KIRREL3: variants seen among roughly 807,000 people sequenced by gnomAD.
KIRREL3 encodes kin of IRRE-like protein 3.
A neutral mutation model predicts 89.7 loss-of-function variants in KIRREL3; 36 were observed. The observed-to-expected ratio is 0.40, with a 90% CI of 0.31 to 0.53. The LOEUF is 0.53. Among genes scored for constraint, KIRREL3 ranks in the 20% least tolerant of loss-of-function variants. The pLI, the probability that KIRREL3 is intolerant of heterozygous loss-of-function variation, is 0.49. For missense variants in KIRREL3, 864 were observed against 1,056.6 expected, an observed-to-expected ratio of 0.82 and a Z score of 2.53; for synonymous variants, 445 against 441.4, an observed-to-expected ratio of 1.01 and a Z score of -0.10.
At chr11:126,831,645 A>G (rs1385115976) in intron 1 of KIRREL3, among the ~76,000 whole-genome samples, 1 of 152,204 alleles carries the variant, frequency 6.6e-6, no homozygotes, top group Non-Finnish European at 1.5e-5. Context: ...TCCCTGAGTG[A>G]CTTTTACCCC....
intron 5 of KIRREL3, among the ~76,000 whole-genome samples, chr11:126,472,778 A>G (rs2134280949): frequency 6.7e-6 from 1 of 150,046 alleles, no homozygotes; most frequent in Middle Eastern, 3.5e-3. Flanking sequence ...TGAGTAGGAG[A>G]ACCACAGCAT....
chr11:126,875,109 A>T lies in KIRREL3; in HGVS notation c.55+125346T>A, dbSNP rs555733058. Among the ~76,000 whole-genome samples the T allele has an allele frequency of 2.6e-5, 4 of 152,198 alleles. No individual in the cohort carries two copies. In the South Asian group the frequency reaches 8.3e-4, roughly 32 times the overall value. On this transcript the variant is annotated intron_variant, in intron 1 of 16. Coordinates refer to ENST00000525144, the MANE Select transcript of KIRREL3 (RefSeq NM_032531.4). Reference sequence around the variant, plus strand: ...GTGTGATTTTAGAGGTGGCAAGTGTATATCAATCAATCAATCAATCAACCA... The same window carrying T: ...GTGTGATTTTAGAGGTGGCAAGTGTTTATCAATCAATCAATCAATCAACCA...
At chr11:126,881,982 T>A (rs1163123665) in intron 1 of KIRREL3, among the ~76,000 whole-genome samples, 1 of 152,142 alleles carries the variant, frequency 6.6e-6, no homozygotes, top group African/African-American at 2.4e-5. Flanking sequence ...CTGGGGTGCA[T>A]GTATGTAGGG....
intron 1 of KIRREL3, among the ~76,000 whole-genome samples, chr11:126,809,912 T>C (rs1265157254): frequency 1.3e-5 from 2 of 152,356 alleles, no homozygotes; most frequent in Non-Finnish European, 2.9e-5. Flanking sequence ...GTCTGAATTT[T>C]GGCAAACGAG....
intron 1 of KIRREL3, among the ~76,000 whole-genome samples, chr11:126,770,327 T>C (rs991641452): frequency 6.6e-6 from 1 of 152,196 alleles, no homozygotes; most frequent in African/African-American, 2.4e-5. Context: ...AAAAGTCTTC[T>C]GGTTGGTCCC....
rs766988987 is a variant in KIRREL3, at chr11:126,436,831, A to G, written c.1532T>C (p.Ile511Thr). 5.0e-6 allele frequency: 8 copies of G among 1,613,462 alleles called. No individual in the cohort carries two copies. The African/African-American group carries it at 1.1e-4, about 22-fold the overall frequency. The change falls in exon 12 of 17, where the codon ATC becomes ACC. Residue 511 changes from isoleucine to threonine, a missense_variant. Ile to Thr is a moderately conservative substitution (Grantham distance 89, BLOSUM62 -1). Transcript: ENST00000525144. The stretch of plus-strand genomic sequence containing the variant: ...CTCACCTTGCTCCTTGAGCCGGATG[A>G]TCTCAGTGTCGGAGCCGAAGCTGTT... The part of the protein sequence containing the change: ...AWNSFGSDTE[I>T]IRLKEQGSEM...
In KIRREL3 at chr11:126,837,432, T is replaced by A. The variant is rs998277051; in HGVS notation, c.55+163023A>T. ...TTGTTAGATAAGGACATGTCTAGAC[T>A]CAGAGTGGAAGAGAAACCTGGTGAA... On this transcript the variant is annotated intron_variant, in intron 1 of 16. Transcript: ENST00000525144. The surrounding 1 kb of genome is among the most constrained non-coding windows in gnomAD (Gnocchi z 4.7). 1.3e-5 allele frequency among the ~76,000 whole-genome samples: 2 copies of A among 152,210 alleles called. No homozygotes were observed. Among genetic ancestry groups the A allele is most frequent in the Admixed American group, 6.5e-5 (1 of 15,290 alleles).
rs1015853861 is a variant in KIRREL3 at position 126,443,293 on chromosome 11, C to G, written c.1252+1686G>C. 6.6e-6 allele frequency among the ~76,000 whole-genome samples: 1 copy of G among 152,160 alleles called. No individual in the cohort carries two copies. Among genetic ancestry groups the G allele is most frequent in the Non-Finnish European group, 1.5e-5 (1 of 68,032 alleles). On this transcript the variant is annotated intron_variant, in intron 10 of 16. Transcript: ENST00000525144. This position sits in a 1 kb window ranked among gnomAD's most constrained non-coding sequence, Gnocchi z 7.3. ...TGACTTCCGAGTGCCCTGGCTGGCG[C>G]GGGCTGTGTGGAGGGCCGCTGATTT...
chr11:126,528,352 C>A lies in KIRREL3; in HGVS notation c.134-1665G>T, dbSNP rs1256834389. 1.3e-5 allele frequency among the ~76,000 whole-genome samples: 2 copies of A among 152,214 alleles called. No homozygotes were observed. The highest frequency in any genetic ancestry group is 3.9e-4 in the East Asian group (2 of 5,194). On this transcript the variant is annotated intron_variant, in intron 2 of 16. Coordinates refer to ENST00000525144, the MANE Select transcript of KIRREL3 (RefSeq NM_032531.4). The surrounding 1 kb of genome is among the most constrained non-coding windows in gnomAD (Gnocchi z 4.6). The stretch of plus-strand genomic sequence containing the variant: ...GGACTGAGCTCTCAGCAACAGATGA[C>A]CCCAAGAGGGAGACACTTGGTGTGT...
At position 126,575,945 on chromosome 11, in the gene KIRREL3, T is replaced by A. The variant is rs1941232651; in HGVS notation, c.56-13033A>T. On this transcript the variant is annotated intron_variant, in intron 1 of 16. Coordinates refer to ENST00000525144, the MANE Select transcript of KIRREL3 (RefSeq NM_032531.4). This position sits in a 1 kb window ranked among gnomAD's most constrained non-coding sequence, Gnocchi z 7.0. Reference sequence around the variant, plus strand: ...TCTTCATTCATTCATACCTTTGCTATGAGACTCCCTTATAGATGCGACCAC... The same window carrying A: ...TCTTCATTCATTCATACCTTTGCTAAGAGACTCCCTTATAGATGCGACCAC... Among the ~76,000 whole-genome samples the A allele has an allele frequency of 6.6e-6, 1 of 152,220 alleles. No individual in the cohort carries two copies. Among genetic ancestry groups the A allele is most frequent in the African/African-American group, 2.4e-5 (1 of 41,446 alleles).
chr11:126,895,663 C>T (rs1200902956), intron 1 of KIRREL3, among the ~76,000 whole-genome samples: 1 of 152,070 alleles, frequency 6.6e-6, no homozygotes, highest in Non-Finnish European at 1.5e-5. Flanking sequence ...GCAAGGGTAA[C>T]CAGACAGGGT....
chr11:126,968,611 T>G (rs1949345578), intron 1 of KIRREL3, among the ~76,000 whole-genome samples: 1 of 152,190 alleles, frequency 6.6e-6, no homozygotes, highest in Non-Finnish European at 1.5e-5. Flanking sequence ...GGAGAAACTA[T>G]TCAAATTGCT....
In KIRREL3 at chr11:126,771,079, C is replaced by A. The variant is rs543416635; in HGVS notation, c.56-208167G>T. Among the ~76,000 whole-genome samples the A allele has an allele frequency of 6.6e-6, 1 of 152,152 alleles. No individual in the cohort carries two copies. The highest frequency in any genetic ancestry group is 6.5e-5 in the Admixed American group (1 of 15,280). On this transcript the variant is annotated intron_variant, in intron 1 of 16. Coordinates refer to ENST00000525144, the MANE Select transcript of KIRREL3 (RefSeq NM_032531.4). The surrounding 1 kb of genome is among the most constrained non-coding windows in gnomAD (Gnocchi z 4.4). ...TTGAACTCCTGACCTCAGGGTGATC[C>A]GCTTGCCTTGGCATCCCAAAGTCCT...
At chr11:126,481,828 C>T (rs1328576710) in intron 4 of KIRREL3, among the ~76,000 whole-genome samples, 2 of 152,218 alleles carry the variant, frequency 1.3e-5, no homozygotes, top group African/African-American at 4.8e-5. Context: ...ACCAGTAATT[C>T]ACCCACCATG....
rs955533757 is a variant in KIRREL3, at chr11:126,943,647, C to A, written c.55+56808G>T. ...TCCGGGGTAGAAGGCAGGGAAAGGG[C>A]ATGACTGCAGGGTCACCAGGGCCAG... On this transcript the variant is annotated intron_variant, in intron 1 of 16. Coordinates refer to ENST00000525144, the MANE Select transcript of KIRREL3 (RefSeq NM_032531.4). The surrounding 1 kb of genome is among the most constrained non-coding windows in gnomAD (Gnocchi z 4.2). Among the ~76,000 whole-genome samples, 1 of 152,188 alleles carries A rather than the reference C, an allele frequency of 6.6e-6. No homozygotes were observed. The highest frequency in any genetic ancestry group is 1.5e-5 in the Non-Finnish European group (1 of 68,042).
intron 2 of KIRREL3, among the ~76,000 whole-genome samples, chr11:126,543,093 G>C (rs1457548760): frequency 1.3e-5 from 2 of 152,056 alleles, no homozygotes; most frequent in African/African-American, 4.8e-5. Flanking sequence ...TCCCAATTCT[G>C]CCCTATTCTA....
chr11:126,888,391 C>T (rs1001163917), intron 1 of KIRREL3, among the ~76,000 whole-genome samples: 9 of 148,274 alleles, frequency 6.1e-5, no homozygotes, highest in African/African-American at 2.4e-4. Context: ...CTCACCAGGG[C>T]CCGTGCCAGA....
chr11:126,696,376 A>T lies in KIRREL3; in HGVS notation c.56-133464T>A, dbSNP rs1030920326. Among the ~76,000 whole-genome samples, 2 of 151,646 alleles carry T rather than the reference A, an allele frequency of 1.3e-5. No individual in the cohort carries two copies. The highest frequency in any genetic ancestry group is 4.9e-5 in the African/African-American group (2 of 41,214). ...GCCTTGTGTGGTTGATGGTGACATCATCCATCCAATTTCTTATCCTGTAAC... is the reference window on the plus strand; with the variant it reads ...GCCTTGTGTGGTTGATGGTGACATCTTCCATCCAATTTCTTATCCTGTAAC... On this transcript the variant is annotated intron_variant, in intron 1 of 16. Coordinates refer to ENST00000525144, the MANE Select transcript of KIRREL3 (RefSeq NM_032531.4). This position sits in a 1 kb window ranked among gnomAD's most constrained non-coding sequence, Gnocchi z 4.4.
At chr11:126,450,388 T>G (rs543462236) in intron 7 of KIRREL3, among the ~76,000 whole-genome samples, 29 of 146,574 alleles carry the variant, frequency 2.0e-4, no homozygotes, top group African/African-American at 7.4e-4. Context: ...CATGTGTGAG[T>G]GTGGGTATGT....
Sources: allele counts gnomAD v4.1 joint callset (sites outside exome capture counted in the v4.1 genomes callset), GRCh38; gene constraint gnomAD v4.1.1; non-coding constraint Gnocchi (gnomAD v3.1); transcripts MANE v1.5; gene names NCBI Gene and HGNC (gene_info 2026-07-23, HGNC 2026-07-21).